The following GNAQ variants were observed in gnomAD, a reference collection of about 807,000 sequenced individuals.
GNAQ encodes guanine nucleotide-binding protein G(q) subunit alpha.
In GNAQ, 8 loss-of-function variants were observed where a neutral mutation model predicts 43.9. The ratio of observed to expected loss-of-function variants is 0.18; its 90% CI spans 0.11 to 0.33. The LOEUF (loss-of-function observed/expected upper bound fraction) is 0.33, where lower values mean the gene tolerates loss of function less well. Ranked by LOEUF, GNAQ falls within the 10% of genes least tolerant of loss-of-function variation. The pLI is 1.00. For missense variants in GNAQ, 158 were observed against 450.8 expected, an observed-to-expected ratio of 0.35 and a Z score of 5.88; for synonymous variants, 155 against 170.7, an observed-to-expected ratio of 0.91 and a Z score of 0.71.
At chr9:77,987,640 G>C (rs1823458269) in intron 1 of GNAQ, among the ~76,000 whole-genome samples, 2 of 152,244 alleles carry the variant, frequency 1.3e-5, no homozygotes, top group Non-Finnish European at 1.5e-5. Context: ...CATCGTACCA[G>C]GTCCTGTTCT....
At chr9:77,869,693 T>C (rs891155073) in intron 2 of GNAQ, among the ~76,000 whole-genome samples, 7 of 152,168 alleles carry the variant, frequency 4.6e-5, no homozygotes, top group Non-Finnish European at 1.0e-4. Context: ...ATTTGGCCAC[T>C]TCCTACCTAC....
At chr9:78,005,695 T>C (rs1823697069) in intron 1 of GNAQ, among the ~76,000 whole-genome samples, 1 of 152,136 alleles carries the variant, frequency 6.6e-6, no homozygotes, top group Non-Finnish European at 1.5e-5. Flanking sequence ...TGGGTCAAGG[T>C]TGCAGTGCCA....
At chr9:78,010,990 G>A (rs962233434) in intron 1 of GNAQ, among the ~76,000 whole-genome samples, 4 of 152,104 alleles carry the variant, frequency 2.6e-5, no homozygotes, top group Non-Finnish European at 4.4e-5. Context: ...CATATTTACT[G>A]GAAAAGTTGA....
intron 2 of GNAQ, among the ~76,000 whole-genome samples, chr9:77,849,559 C>T (rs1319577789): frequency 6.6e-6 from 1 of 152,184 alleles, no homozygotes; most frequent in East Asian, 1.9e-4. Context: ...TCCGTACTGG[C>T]TTTTCAACCT....
At chr9:78,030,675 G>A (rs1824041001) in intron 1 of GNAQ, 1 of 410,630 alleles carries the variant, frequency 2.4e-6, no homozygotes, top group Non-Finnish European at 5.1e-6. Context: ...CACACACACG[G>A]CTCCCCACGC....
intron 1 of GNAQ, among the ~76,000 whole-genome samples, chr9:77,992,898 T>C (rs969188142): frequency 4.6e-5 from 7 of 152,098 alleles, no homozygotes; most frequent in Admixed American, 4.6e-4. Context: ...CGAGCCGAGA[T>C]CAAGCCACTA....
intron 2 of GNAQ, among the ~76,000 whole-genome samples, chr9:77,816,760 G>A (rs1587929953): frequency 6.6e-6 from 1 of 152,170 alleles, no homozygotes; most frequent in South Asian, 2.1e-4. Context: ...AACAAGGTTA[G>A]GGAATGGCTA....
intron 2 of GNAQ, among the ~76,000 whole-genome samples, chr9:77,863,015 A>G (rs893782570): frequency 2.0e-5 from 3 of 152,132 alleles, no homozygotes; most frequent in African/African-American, 7.2e-5. Flanking sequence ...CCTGTCTACT[A>G]AAAACAAAAT....
chr9:77,759,204 T>C (rs1424598123), intron 5 of GNAQ, among the ~76,000 whole-genome samples: 1 of 152,200 alleles, frequency 6.6e-6, no homozygotes, highest in African/African-American at 2.4e-5. Flanking sequence ...ACTATCAATA[T>C]TGTTAACCTG....
intron 1 of GNAQ, among the ~76,000 whole-genome samples, chr9:77,974,038 A>G (rs183503083): frequency 5.1e-4 from 77 of 152,320 alleles, no homozygotes; most frequent in Non-Finnish European, 9.8e-4. Flanking sequence ...CATCTCCTTT[A>G]ATTTTTAATA....
intron 1 of GNAQ, among the ~76,000 whole-genome samples, chr9:77,933,446 G>C (rs1006976086): frequency 3.9e-5 from 6 of 152,072 alleles, no homozygotes; most frequent in Non-Finnish European, 8.8e-5. Flanking sequence ...TGGGTGAATT[G>C]CTTGAGACCA....
intron 5 of GNAQ, among the ~76,000 whole-genome samples, chr9:77,759,493 C>A (rs186558191): frequency 6.6e-6 from 1 of 152,058 alleles, no homozygotes; most frequent in Non-Finnish European, 1.5e-5. Flanking sequence ...TACTTATATG[C>A]GAAACACTTA....
chr9:77,962,029 C>G (rs1350921785), intron 1 of GNAQ, among the ~76,000 whole-genome samples: 1 of 151,284 alleles, frequency 6.6e-6, no homozygotes, highest in Non-Finnish European at 1.5e-5. Flanking sequence ...AATACAGTAT[C>G]TAAAATGAAA....
chr9:77,911,685 G>C (rs1204326787), intron 2 of GNAQ, among the ~76,000 whole-genome samples: 3 of 152,176 alleles, frequency 2.0e-5, no homozygotes, highest in African/African-American at 7.2e-5. Flanking sequence ...GGATTCTGAT[G>C]CAAAATCCGG....
At chr9:78,026,830 A>G (rs1258334376) in intron 1 of GNAQ, among the ~76,000 whole-genome samples, 1 of 152,220 alleles carries the variant, frequency 6.6e-6, no homozygotes, top group African/African-American at 2.4e-5. Context: ...CATATCCTTC[A>G]TATTAAAAAT....
chr9:77,926,634 C>T (rs1829076538), intron 1 of GNAQ, among the ~76,000 whole-genome samples: 1 of 152,106 alleles, frequency 6.6e-6, no homozygotes, highest in East Asian at 1.9e-4. Flanking sequence ...TTAAATATAT[C>T]TCCAATCAAG....
intron 5 of GNAQ, among the ~76,000 whole-genome samples, chr9:77,762,249 T>G (rs1178972349): frequency 1.0e-3 from 96 of 92,790 alleles, no homozygotes; most frequent in Admixed American, 1.6e-3. Flanking sequence ...GGAGGGAGGT[T>G]GGGGGGTCAG....
chr9:77,808,961 G>A (rs1329484968), intron 3 of GNAQ, among the ~76,000 whole-genome samples: 2 of 152,258 alleles, frequency 1.3e-5, no homozygotes, highest in East Asian at 3.9e-4. Context: ...TGGAGTACAA[G>A]TATTTGACTC....
At chr9:77,738,948 T>C (rs2118252128) in intron 5 of GNAQ, among the ~76,000 whole-genome samples, 1 of 152,302 alleles carries the variant, frequency 6.6e-6, no homozygotes, top group Admixed American at 6.5e-5. Flanking sequence ...CTTAGTTTTT[T>C]TGTGTACTAT....
Sources: gnomAD v4.1 joint callset for allele counts (sites outside exome capture counted in the v4.1 genomes callset) on GRCh38, gnomAD v4.1.1 for gene constraint, MANE v1.5 for transcripts, NCBI Gene and HGNC (gene_info 2026-07-23, HGNC 2026-07-21) for gene names.